PCDHA3: variants seen among roughly 807,000 people sequenced by gnomAD.
The protein encoded by PCDHA3 is protocadherin alpha-3.
PCDHA3 carries 41 observed loss-of-function variants against 62.2 expected under a neutral mutation model. The observed-to-expected ratio is 0.66, with a 90% confidence interval of 0.51 to 0.86. The LOEUF (loss-of-function observed/expected upper bound fraction) is 0.86. Among genes scored for constraint, PCDHA3 ranks in the 40% least tolerant of loss-of-function variants. The pLI is 0.00. For missense variants in PCDHA3, 1,304 were observed against 1,241.2 expected, an observed-to-expected ratio of 1.05 and a Z score of -0.76; for synonymous variants, 640 against 555.4, an observed-to-expected ratio of 1.15 and a Z score of -2.14.
chr5:140,890,386 A>T (rs905205351), intron 1 of PCDHA3, among the ~76,000 whole-genome samples: 1 of 152,202 alleles, frequency 6.6e-6, no homozygotes, highest in African/African-American at 2.4e-5. Context: ...TCTTTCTTAG[A>T]TAATCTATAA....
chr5:140,877,609 C>T (rs1554169925), intron 1 of PCDHA3: 4 of 1,613,876 alleles, frequency 2.5e-6, no homozygotes, highest in Middle Eastern at 1.7e-4. Flanking sequence ...CCTGCTGGTG[C>T]TCACGCTGCT....
At chr5:140,901,433 A>G (rs1472475784) in intron 1 of PCDHA3, among the ~76,000 whole-genome samples, 2 of 152,104 alleles carry the variant, frequency 1.3e-5, no homozygotes, top group Non-Finnish European at 2.9e-5. Flanking sequence ...CTGCATATGG[A>G]TATCTAGTTT....
intron 1 of PCDHA3, chr5:140,807,967 G>A: frequency 6.2e-7 from 1 of 1,612,546 alleles, no homozygotes; most frequent in Non-Finnish European, 8.5e-7. Context: ...ATGGAACATT[G>A]GTAATTAAAC....
intron 3 of PCDHA3, 63 bp downstream of exon 3, chr5:140,982,626 T>C (rs782343298): frequency 2.5e-5 from 39 of 1,581,800 alleles, no homozygotes; most frequent in Non-Finnish European, 2.8e-5. Context: ...TGACCTACTT[T>C]TGTAAGATCA....
At chr5:140,967,060 G>A in intron 1 of PCDHA3, 1 of 1,612,802 alleles carries the variant, frequency 6.2e-7, no homozygotes, top group Non-Finnish European at 8.5e-7. Flanking sequence ...CGAGTGGAGC[G>A]CTCTTCGTCA....
intron 1 of PCDHA3, chr5:140,929,151 T>C: frequency 6.2e-7 from 1 of 1,614,202 alleles, no homozygotes; most frequent in East Asian, 2.2e-5. Context: ...TTTCTCAGAC[T>C]TATCTCTATC....
At chr5:140,985,227 G>A (rs557750656) in intron 3 of PCDHA3, among the ~76,000 whole-genome samples, 5 of 152,206 alleles carry the variant, frequency 3.3e-5, no homozygotes, top group Non-Finnish European at 2.9e-5. Flanking sequence ...GTGAGCCACC[G>A]CGCCTGGCCT....
In PCDHA3 at chr5:140,803,369, C is replaced by T. The variant is rs140796793; in HGVS notation, c.2172C>T (p.Ser724=). ...TGCTATATACTGCTCTGCGGTGCTC[C>T]GCGCCGCCAACCGAAGGCGACTGTG... ...TLLLYTALRC[S]APPTEGDCGP... The change falls in exon 1 of 4, where the codon TCC becomes TCT. Residue 724 remains serine (S), a synonymous_variant. Coordinates refer to ENST00000522353, the MANE Select transcript of PCDHA3 (RefSeq NM_018906.3). 2.5e-6 allele frequency: 4 copies of T among 1,614,078 alleles called. No homozygotes were observed. The African/African-American group carries it at 4.0e-5, about 16-fold the overall frequency.
chr5:140,877,094 G>C, intron 1 of PCDHA3: 1 of 1,613,310 alleles, frequency 6.2e-7, no homozygotes, highest in Non-Finnish European at 8.5e-7. Flanking sequence ...CGCGACGCCG[G>C]CGTGCCGCCT....
In PCDHA3 at chr5:140,807,616, G is replaced by C. The variant is rs113425597; in HGVS notation, c.2394+4025G>C. On this transcript the variant is annotated intron_variant, in intron 1 of 3. Coordinates refer to ENST00000522353, the MANE Select transcript of PCDHA3 (RefSeq NM_018906.3). ...CAACACAAAAGAACCTGTCCATCGC[G>C]GAATCCAGGCCGCTTGACTCTCGGT... 3.0e-3 allele frequency: 4,880 copies of C among 1,614,130 alleles called. 118 individuals carry two copies. The African/African-American group carries it at 0.055, about 18-fold the overall frequency.
At chr5:141,006,368 C>A (rs1395158727) in intron 3 of PCDHA3, among the ~76,000 whole-genome samples, 1 of 151,954 alleles carries the variant, frequency 6.6e-6, no homozygotes, top group Non-Finnish European at 1.5e-5. Flanking sequence ...CCCACCACCA[C>A]GCCCGGCTAA....
At chr5:140,811,159 G>A (rs553109730) in intron 1 of PCDHA3, 10 of 152,198 alleles carry the variant, frequency 6.6e-5, no homozygotes, top group African/African-American at 2.4e-4. Context: ...CCCTCCCCCA[G>A]TCCCCCACAC....
At chr5:140,877,225 G>A in intron 1 of PCDHA3, 1 of 1,613,746 alleles carries the variant, frequency 6.2e-7, no homozygotes. Context: ...ACCGCGGTCG[G>A]TGGGTGCGGG....
chr5:140,822,315 T>TGTTAAAAC (rs1562263935), intron 1 of PCDHA3: 1 of 1,614,082 alleles, frequency 6.2e-7, no homozygotes, highest in Admixed American at 1.7e-5. Context: ...TTGACTTAGA[T>TGTTAAAAC]GTTAAAACAA....
intron 1 of PCDHA3, among the ~76,000 whole-genome samples, chr5:140,949,916 A>G (rs1350647225): frequency 6.6e-6 from 1 of 150,834 alleles, no homozygotes; most frequent in African/African-American, 2.4e-5. Flanking sequence ...AGATATAACT[A>G]TTTTTAGATT....
At chr5:140,832,454 T>G (rs193078566) in intron 1 of PCDHA3, among the ~76,000 whole-genome samples, 1 of 152,214 alleles carries the variant, frequency 6.6e-6, no homozygotes, top group African/African-American at 2.4e-5. Flanking sequence ...TAATTAATAT[T>G]GCACTAAAAT....
intron 1 of PCDHA3, chr5:140,968,952 T>C: frequency 1.2e-6 from 2 of 1,614,192 alleles, no homozygotes; most frequent in Non-Finnish European, 1.7e-6. Context: ...TTGAGCATCA[T>C]CAAGTGCTAC....
At chr5:140,897,438 G>A (rs2066109195) in intron 1 of PCDHA3, among the ~76,000 whole-genome samples, 1 of 149,226 alleles carries the variant, frequency 6.7e-6, no homozygotes, top group African/African-American at 2.5e-5. Context: ...AACATGCAGT[G>A]TTTGGTTTTT....
At chr5:140,829,158 C>A in intron 1 of PCDHA3, 1 of 1,614,016 alleles carries the variant, frequency 6.2e-7, no homozygotes, top group Non-Finnish European at 8.5e-7. Flanking sequence ...ACTTCCTTAT[C>A]CTTGCCTGTA....
Sources: gnomAD v4.1 joint callset for allele counts (sites outside exome capture counted in the v4.1 genomes callset) on GRCh38, gnomAD v4.1.1 for gene constraint, MANE v1.5 for transcripts, NCBI Gene and HGNC (gene_info 2026-07-23, HGNC 2026-07-21) for gene names.